NUP37: variants seen among roughly 807,000 people sequenced by gnomAD.
The protein encoded by NUP37 is nucleoporin Nup37.
In NUP37, 33 loss-of-function variants were observed where a neutral mutation model predicts 45.4. The ratio of observed to expected loss-of-function variants is 0.73; its 90% confidence interval spans 0.55 to 0.97. NUP37 has a LOEUF of 0.97. Ranked by LOEUF, NUP37 falls within the 50% of genes least tolerant of loss-of-function variation. NUP37 has a pLI of 0.00. For synonymous variants in NUP37, 127 were observed against 130.7 expected, an observed-to-expected ratio of 0.97 and a Z score of 0.19; for missense variants, 365 against 389.7, an observed-to-expected ratio of 0.94 and a Z score of 0.53.
Position 102,074,322 on chromosome 12 carries a change from A to C in NUP37, c.*32T>G. The C allele has an allele frequency of 7.5e-7, 1 of 1,331,596 alleles. No individual in the cohort carries two copies. The highest frequency in any genetic ancestry group is 1.3e-5 in the South Asian group (1 of 79,872). The allele number at this position is 1,331,596 out of a possible 1,614,324, so 82.5% of individuals were successfully genotyped here. A position where few individuals can be genotyped will look rare whatever the true frequency, so the allele number is the denominator to read the frequency against. On this transcript the variant is annotated 3_prime_UTR_variant, in exon 10 of 10. Transcript: ENST00000552283. ...TCTTCAAAATATGTACTAAAAATAC[A>C]AAGTTTGTGAATCTAAGGTACAGAA... is the stretch of plus-strand genomic sequence containing the variant.
At chr12:102,102,540 T>C (rs1880002838) in intron 3 of NUP37, among the ~76,000 whole-genome samples, 1 of 152,238 alleles carries the variant, frequency 6.6e-6, no homozygotes, top group East Asian at 1.9e-4. Flanking sequence ...GCAAATATTT[T>C]CTCACAATCT....
At chr12:102,089,008 G>A (rs1879560963) in intron 5 of NUP37, among the ~76,000 whole-genome samples, 1 of 151,970 alleles carries the variant, frequency 6.6e-6, no homozygotes, top group Non-Finnish European at 1.5e-5. Flanking sequence ...GCACGTTTCA[G>A]AGAGCACGGG....
chr12:102,081,388 G>A (rs1475949711), intron 6 of NUP37, among the ~76,000 whole-genome samples: 1 of 152,184 alleles, frequency 6.6e-6, no homozygotes, highest in East Asian at 1.9e-4. Flanking sequence ...ATCTAAAAAT[G>A]CTACAGGGGG....
chr12:102,086,373 T>TACCTTTAGGATTCCA (rs1186968246), intron 5 of NUP37, among the ~76,000 whole-genome samples: 1 of 152,254 alleles, frequency 6.6e-6, no homozygotes, highest in Non-Finnish European at 1.5e-5. Flanking sequence ...TTATTCCTTC[T>TACCTTTAGGATTCCA]ACCTTTAGGA....
At chr12:102,098,556 G>C (rs1468086961) in intron 5 of NUP37, among the ~76,000 whole-genome samples, 8 of 150,824 alleles carry the variant, frequency 5.3e-5, no homozygotes. Flanking sequence ...TTTTGAGATG[G>C]AGTGTCGCTA....
intron 3 of NUP37, among the ~76,000 whole-genome samples, chr12:102,107,794 A>G (rs531618863): frequency 1.1e-4 from 17 of 152,368 alleles, no homozygotes; most frequent in African/African-American, 4.1e-4. Context: ...GTTCATAAGC[A>G]GGCAAAATTA....
chr12:102,114,659 C>T (rs1160427213), intron 2 of NUP37, among the ~76,000 whole-genome samples: 3 of 152,134 alleles, frequency 2.0e-5, no homozygotes, highest in East Asian at 3.8e-4. Context: ...CCACCACACC[C>T]ATTTAAGGCC....
intron 5 of NUP37, among the ~76,000 whole-genome samples, chr12:102,095,176 A>T (rs1879768005): frequency 6.6e-6 from 1 of 152,226 alleles, no homozygotes; most frequent in Admixed American, 6.5e-5. Context: ...GTTCTGTATT[A>T]GTGAGTTTTA....
At chr12:102,097,715 C>G (rs1879845363) in intron 5 of NUP37, among the ~76,000 whole-genome samples, 1 of 152,136 alleles carries the variant, frequency 6.6e-6, no homozygotes, top group South Asian at 2.1e-4. Flanking sequence ...TTAGGAAAAT[C>G]TATGTTTTAA....
chr12:102,097,779 A>G (rs1879849115), intron 5 of NUP37, among the ~76,000 whole-genome samples: 1 of 152,148 alleles, frequency 6.6e-6, no homozygotes, highest in African/African-American at 2.4e-5. Context: ...CCTTAAAACG[A>G]TTCCATTTAC....
chr12:102,105,288 G>A (rs2136746541), intron 3 of NUP37, among the ~76,000 whole-genome samples: 1 of 151,816 alleles, frequency 6.6e-6, no homozygotes, highest in Middle Eastern at 3.4e-3. Flanking sequence ...ACTTTGGGAG[G>A]CCAAAATGGG....
At chr12:102,078,381 G>A (rs934100124) in intron 6 of NUP37, among the ~76,000 whole-genome samples, 6 of 151,904 alleles carry the variant, frequency 3.9e-5, no homozygotes, top group East Asian at 1.9e-4. Flanking sequence ...ATGATGTGCC[G>A]TCACTAAGAA....
chr12:102,118,246 C>CT (rs879032962), intron 2 of NUP37, 117 bp downstream of exon 2: 32,922 of 779,896 alleles, frequency 0.042, 3 homozygotes, highest in South Asian at 0.051. Context: ...TGGATCTTAT[C>CT]TTTTTTTTTT....
At chr12:102,104,308 A>G (rs1880060222) in intron 3 of NUP37, among the ~76,000 whole-genome samples, 3 of 152,070 alleles carry the variant, frequency 2.0e-5, no homozygotes, top group African/African-American at 7.2e-5. Context: ...TCATTTTTAA[A>G]TTGGATCATT....
intron 4 of NUP37, among the ~76,000 whole-genome samples, chr12:102,099,596 A>G (rs544475001): frequency 2.0e-5 from 3 of 152,190 alleles, no homozygotes; most frequent in Non-Finnish European, 4.4e-5. Context: ...TTTTTACATT[A>G]TATCTGCTGT....
intron 6 of NUP37, among the ~76,000 whole-genome samples, chr12:102,081,207 A>C (rs1210931669): frequency 6.6e-6 from 1 of 152,244 alleles, no homozygotes; most frequent in Non-Finnish European, 1.5e-5. Context: ...CAAAGCAGGC[A>C]CTCAAAAAAC....
rs1879112348 is a variant in NUP37, at chr12:102,074,457, A to G, written c.878T>C (p.Met293Thr). The G allele has an allele frequency of 5.6e-6, 9 of 1,601,512 alleles. No homozygotes were observed. Among genetic ancestry groups the G allele is most frequent in the Non-Finnish European group, 7.7e-6 (9 of 1,171,830 alleles). ...HHLGHPQPIL[M>T]GSVAVGSGLS... ...TCCAGATCCAACGGCTACAGAACCC[A>G]TGAGGATGGGCTATAAAATATGTGA... Residue 293 changes from methionine (M) to threonine (T), a missense_variant, in exon 10 of 10, where the codon ATG becomes ACG. Met to Thr is a moderately conservative substitution (Grantham distance 81). Coordinates refer to ENST00000552283, the MANE Select transcript of NUP37 (RefSeq NM_024057.4).
intron 3 of NUP37, among the ~76,000 whole-genome samples, chr12:102,105,173 G>A (rs1880099118): frequency 6.6e-6 from 1 of 152,080 alleles, no homozygotes; most frequent in Non-Finnish European, 1.5e-5. Flanking sequence ...TATATGAAAG[G>A]GGATACTGTG....
In NUP37 at chr12:102,101,120, C is replaced by A; in HGVS notation, c.282-16G>T. On this transcript the variant is annotated splice_polypyrimidine_tract_variant and intron_variant, in intron 3 of 9. Transcript: ENST00000552283. Reference sequence around the variant, plus strand: ...AGTACAAAATCTGGAAGCAAAAAAACAAAAATATACCAATTTTTAGCCTTT... The same window carrying A: ...AGTACAAAATCTGGAAGCAAAAAAAAAAAAATATACCAATTTTTAGCCTTT... 6.7e-7 allele frequency: 1 copy of A among 1,487,074 alleles called. No individual in the cohort carries two copies. Among genetic ancestry groups the A allele is most frequent in the Non-Finnish European group, 9.2e-7 (1 of 1,086,940 alleles). 92.1% of individuals were successfully genotyped at this position (1,487,074 alleles called of 1,614,324 possible). A position where few individuals can be genotyped will look rare whatever the true frequency, so the allele number is the denominator to read the frequency against.
Sources: allele counts gnomAD v4.1 joint callset (sites outside exome capture counted in the v4.1 genomes callset), GRCh38; gene constraint gnomAD v4.1.1; transcripts MANE v1.5; gene names NCBI Gene and HGNC (gene_info 2026-07-23, HGNC 2026-07-21).